AGXT2: variants seen among roughly 807,000 people sequenced by gnomAD.
AGXT2 encodes the protein alanine--glyoxylate aminotransferase 2.
In AGXT2, 61 loss-of-function variants were observed where a neutral mutation model predicts 62.5. The ratio of observed to expected loss-of-function variants is 0.98; its 90% CI spans 0.79 to 1.21. The LOEUF is 1.21. Among genes scored for constraint, AGXT2 ranks in the 50% most tolerant of loss-of-function variants. The pLI, the probability that AGXT2 is intolerant of heterozygous loss-of-function variation, is 0.00. For missense variants in AGXT2, 666 were observed against 641.5 expected (o/e 1.04, Z -0.41); for synonymous variants, 243 against 218.7 (o/e 1.11, Z -0.98).
intron 12 of AGXT2, 92 bp from the exon 13 acceptor site, chr5:35,003,953 C>T: frequency 8.9e-7 from 1 of 1,126,188 alleles, no homozygotes; most frequent in South Asian, 1.3e-5. Flanking sequence ...ACCCTTCAGC[C>T]ATCAATGCCC....
At chr5:35,037,108 GTCCC>G in intron 3 of AGXT2, 43 bp from the exon 4 acceptor site, 1 of 1,612,304 alleles carries the variant, frequency 6.2e-7, no homozygotes, top group Non-Finnish European at 8.5e-7. Context: ...TGCGTGCCAC[GTCCC>G]TCCTGCACAC....
intron 12 of AGXT2, among the ~76,000 whole-genome samples, chr5:35,009,433 T>A (rs1267346097): frequency 6.6e-6 from 1 of 152,024 alleles, no homozygotes; most frequent in African/African-American, 2.4e-5. Flanking sequence ...CCATTTCTAC[T>A]AAAAATACAA....
At chr5:35,030,456 C>T (rs528190330) in intron 7 of AGXT2, among the ~76,000 whole-genome samples, 69 of 152,010 alleles carry the variant, frequency 4.5e-4, no homozygotes, top group African/African-American at 1.7e-3. Flanking sequence ...TGCAGTGAGC[C>T]GAGATCGCGC....
rs1766325601 is a variant in AGXT2, at chr5:35,003,842, G to A, written c.1358C>T (p.Pro453Leu). ...VQDKISCRPL[P>L]REEVNQIHED... ...ATGGATCTGATTTACTTCTTCACGG[G>A]GAAGAGGCCGACAGCTTATCTGTAA... The change falls in exon 13 of 14, where the codon CCC becomes CTC. Residue 453 changes from proline (P) to leucine (L), a missense_variant. By Grantham distance (98) the Pro-to-Leu change is moderately conservative (BLOSUM62 -3). Transcript: ENST00000231420. 6.2e-7 allele frequency: 1 copy of A among 1,614,036 alleles called. No homozygotes were observed. Among genetic ancestry groups the A allele is most frequent in the Non-Finnish European group, 8.5e-7 (1 of 1,179,984 alleles).
chr5:35,043,794 G>C (rs968050878), intron 1 of AGXT2, among the ~76,000 whole-genome samples: 2 of 152,072 alleles, frequency 1.3e-5, no homozygotes, highest in Non-Finnish European at 2.9e-5. Context: ...AGGCTCAAGC[G>C]ATCCTTCTAT....
intron 13 of AGXT2, among the ~76,000 whole-genome samples, chr5:35,002,706 C>T (rs1766274680): frequency 6.6e-6 from 1 of 152,134 alleles, no homozygotes; most frequent in Non-Finnish European, 1.5e-5. Context: ...TTCTCTGCCT[C>T]CAGAACTATG....
chr5:35,008,398 C>T (rs931950827), intron 12 of AGXT2, among the ~76,000 whole-genome samples: 4 of 152,238 alleles, frequency 2.6e-5, no homozygotes, highest in East Asian at 1.9e-4. Flanking sequence ...AGGAAGAACT[C>T]CTCCTCTCTC....
intron 1 of AGXT2, among the ~76,000 whole-genome samples, chr5:35,046,450 C>T (rs1164763616): frequency 6.6e-6 from 1 of 152,116 alleles, no homozygotes; most frequent in Non-Finnish European, 1.5e-5. Flanking sequence ...TAGACAGGGC[C>T]TGGTAGAATC....
intron 6 of AGXT2, 106 bp downstream of exon 6, chr5:35,033,354 G>C (rs1767640543): frequency 9.8e-6 from 9 of 919,134 alleles, no homozygotes; most frequent in Non-Finnish European, 1.4e-5. Flanking sequence ...CCTGATTAAT[G>C]ACAGGCTTTA....
intron 1 of AGXT2, 120 bp from the exon 2 acceptor site, chr5:35,040,783 T>C: frequency 1.2e-6 from 1 of 821,680 alleles, no homozygotes; most frequent in Admixed American, 1.9e-5. Flanking sequence ...TAAAAAATCA[T>C]GCTAATCAGC....
intron 4 of AGXT2, 152 bp from the exon 5 acceptor site, chr5:35,035,468 C>T: frequency 2.8e-6 from 2 of 703,138 alleles, no homozygotes; most frequent in Non-Finnish European, 2.6e-6. Context: ...ATCATTTAAC[C>T]ACAGTATGAA....
chr5:35,018,592 A>G (rs1402461345), intron 9 of AGXT2, among the ~76,000 whole-genome samples: 3 of 152,162 alleles, frequency 2.0e-5, no homozygotes, highest in Admixed American at 6.5e-5. Flanking sequence ...ATGGAAAGGA[A>G]CAACTGGTAC....
At chr5:35,018,519 A>G (rs1766938436) in intron 9 of AGXT2, among the ~76,000 whole-genome samples, 1 of 152,188 alleles carries the variant, frequency 6.6e-6, no homozygotes, top group Non-Finnish European at 1.5e-5. Flanking sequence ...AAACAAGCAA[A>G]TGCTGAGAGA....
chr5:35,002,415 AG>A (rs1357629587), intron 13 of AGXT2, among the ~76,000 whole-genome samples: 1 of 152,216 alleles, frequency 6.6e-6, no homozygotes, highest in Non-Finnish European at 1.5e-5. Context: ...AGATTTGAAA[AG>A]GAGAAATGCC....
At chr5:35,033,289 G>A in intron 6 of AGXT2, 171 bp downstream of exon 6, 1 of 640,342 alleles carries the variant, frequency 1.6e-6, no homozygotes, top group South Asian at 1.7e-5. Flanking sequence ...GACTCGGAAG[G>A]CCTTTCTAAT....
At chr5:35,008,167 A>C (rs1210665648) in intron 12 of AGXT2, among the ~76,000 whole-genome samples, 1 of 152,198 alleles carries the variant, frequency 6.6e-6, no homozygotes, top group African/African-American at 2.4e-5. Context: ...CAAATGGACT[A>C]AAAAAACCTG....
chr5:35,024,578 C>A lies in AGXT2; in HGVS notation c.963+1185G>T, dbSNP rs373005605. Among the ~76,000 whole-genome samples the A allele has an allele frequency of 9.8e-5, 15 of 152,308 alleles. No individual in the cohort carries two copies. In the South Asian group the frequency reaches 3.1e-3, roughly 32 times the overall value. On this transcript the variant is annotated intron_variant, in intron 9 of 13. Coordinates refer to ENST00000231420, the MANE Select transcript of AGXT2 (RefSeq NM_031900.4). ...ATGCTTTAATGCTGCTTTAATTCAA[C>A]CTATTTTACAATTTTTGGGGAACTA...
Position 35,003,776 on chromosome 5 carries a change from C to G in AGXT2, c.1424G>C (p.Ser475Thr), listed in dbSNP as rs1239113176. The G allele has an allele frequency of 6.2e-7, 1 of 1,614,130 alleles. No individual in the cohort carries two copies. Among genetic ancestry groups the G allele is most frequent in the East Asian group, 2.2e-5 (1 of 44,872 alleles). Residue 475 changes from serine (S) to threonine (T), a missense_variant, in exon 13 of 14, where the codon AGC (serine) becomes ACC (threonine). By Grantham distance (58) the Ser-to-Thr change is moderately conservative. Coordinates refer to ENST00000231420, the MANE Select transcript of AGXT2 (RefSeq NM_031900.4). ...TCTTTCTCTTACCTGAGAAAAAATG[C>G]TGCCTCTGCCAACGAGGAGTCCCAT... ...KHMGLLVGRG[S>T]IFSQTFRIAP...
At chr5:35,037,738 G>T (rs1025945396) in intron 3 of AGXT2, among the ~76,000 whole-genome samples, 1 of 152,188 alleles carries the variant, frequency 6.6e-6, no homozygotes, top group East Asian at 1.9e-4. Flanking sequence ...TTTTTCTGCA[G>T]GGAGATTCTA....
Sources: gnomAD v4.1 joint callset for allele counts (sites outside exome capture counted in the v4.1 genomes callset) on GRCh38, gnomAD v4.1.1 for gene constraint, MANE v1.5 for transcripts, NCBI Gene and HGNC (gene_info 2026-07-23, HGNC 2026-07-21) for gene names.